The following RGS5 variants were observed in gnomAD, a reference collection of about 807,000 sequenced individuals.
RGS5 encodes the protein regulator of G-protein signalling 5.
RGS5 carries 20 observed loss-of-function variants against 18.9 expected under a neutral mutation model. That is an observed-to-expected ratio of 1.06 (90% confidence interval 0.74 to 1.54). RGS5 has a LOEUF of 1.54. Ranked by LOEUF, RGS5 falls within the 40% of genes most tolerant of loss-of-function variation. The pLI is 0.00. For synonymous variants in RGS5, 57 were observed against 76.2 expected, an observed-to-expected ratio of 0.75 and a Z score of 1.31; for missense variants, 201 against 211.8, an observed-to-expected ratio of 0.95 and a Z score of 0.32.
chr1:163,310,327 CTG>C (rs1649820144), intron 1 of RGS5, among the ~76,000 whole-genome samples: 1 of 152,168 alleles, frequency 6.6e-6, no homozygotes, highest in Non-Finnish European at 1.5e-5. Context: ...TGGCTCACGC[CTG>C]TAATCCCAGC....
At chr1:163,150,103 A>T (rs1243756025) in intron 4 of RGS5, among the ~76,000 whole-genome samples, 2 of 152,156 alleles carry the variant, frequency 1.3e-5, no homozygotes, top group African/African-American at 4.8e-5. Context: ...CCAGCTCAGG[A>T]TCATTATTCT....
At chr1:163,165,074 C>G (rs1179384924) in intron 2 of RGS5, among the ~76,000 whole-genome samples, 1 of 152,154 alleles carries the variant, frequency 6.6e-6, no homozygotes, top group Non-Finnish European at 1.5e-5. Context: ...ACCTGGGCAT[C>G]ACGGTTGGGC....
At chr1:163,320,580 T>C (rs1260591143) in intron 1 of RGS5, among the ~76,000 whole-genome samples, 1 of 152,222 alleles carries the variant, frequency 6.6e-6, no homozygotes, top group African/African-American at 2.4e-5. Context: ...AAATTATGCA[T>C]GTATCAGTAA....
At chr1:163,204,103 T>C (rs1659875288), upstream of RGS5, among the ~76,000 whole-genome samples, 1 of 152,188 alleles carries the variant, frequency 6.6e-6, no homozygotes, top group Non-Finnish European at 1.5e-5. Context: ...TACTGGCTTG[T>C]AAAGTCAATG....
At chr1:163,233,888 G>A (rs1487362436) in intron 2 of RGS5, among the ~76,000 whole-genome samples, 1 of 152,188 alleles carries the variant, frequency 6.6e-6, no homozygotes, top group Non-Finnish European at 1.5e-5. Flanking sequence ...GGGTGGGGCA[G>A]GAACAGATCA....
At chr1:163,257,216 G>A (rs1648297080) in intron 2 of RGS5, among the ~76,000 whole-genome samples, 1 of 152,004 alleles carries the variant, frequency 6.6e-6, no homozygotes, top group Non-Finnish European at 1.5e-5. Flanking sequence ...TACTAGGGGT[G>A]ATTTAAAGCA....
Position 163,247,487 on chromosome 1 carries a change from T to C in RGS5, c.-281+58746A>G, listed in dbSNP as rs578101383. Among the ~76,000 whole-genome samples, 39 of 148,720 alleles carry C rather than the reference T, an allele frequency of 2.6e-4. No homozygotes were observed. In the South Asian group the frequency reaches 7.1e-3, roughly 27 times the overall value. On this transcript the variant is annotated intron_variant, in intron 2 of 5. Transcript: ENST00000618415. ...TATCAGGCAAACAAATCCAGCTAAA[T>C]TGCATTTAACTCTACTAAAAACATT... is the stretch of plus-strand genomic sequence containing the variant.
intron 3 of RGS5, among the ~76,000 whole-genome samples, chr1:163,153,951 C>T (rs1657483974): frequency 6.6e-6 from 1 of 151,974 alleles, no homozygotes; most frequent in African/African-American, 2.4e-5. Context: ...CTCTAATTTT[C>T]CAGAAGCTGT....
intron 2 of RGS5, among the ~76,000 whole-genome samples, chr1:163,286,739 C>T (rs1340571490): frequency 6.6e-6 from 1 of 152,006 alleles, no homozygotes; most frequent in Non-Finnish European, 1.5e-5. Context: ...CAGCTCAATA[C>T]TCATTGTCTT....
intron 1 of RGS5, among the ~76,000 whole-genome samples, chr1:163,189,881 T>C (rs1166690990): frequency 2.0e-5 from 3 of 152,194 alleles, no homozygotes; most frequent in Non-Finnish European, 4.4e-5. Flanking sequence ...GGTAAAGTCC[T>C]CACTTAAGCT....
At chr1:163,269,126 AT>A (rs1403301003) in intron 2 of RGS5, among the ~76,000 whole-genome samples, 1 of 152,154 alleles carries the variant, frequency 6.6e-6, no homozygotes, top group Non-Finnish European at 1.5e-5. Flanking sequence ...TTAGAAAATA[AT>A]TTTTTAAGTT....
intron 2 of RGS5, among the ~76,000 whole-genome samples, chr1:163,272,174 A>G (rs56301217): frequency 0.21 from 32,420 of 151,754 alleles, 3,701 homozygotes; most frequent in African/African-American, 0.3. Flanking sequence ...TATTTTCCCT[A>G]ATGACTAATA....
At chr1:163,205,284 G>A (rs1659920403), upstream of RGS5, among the ~76,000 whole-genome samples, 1 of 135,672 alleles carries the variant, frequency 7.4e-6, no homozygotes, top group African/African-American at 2.8e-5. Flanking sequence ...TAGCTATACT[G>A]TACCGTACAC....
At chr1:163,214,209 G>C (rs113362601) in intron 1 of RGS5, among the ~76,000 whole-genome samples, 5,668 of 152,124 alleles carry the variant, frequency 0.037, 124 homozygotes, top group African/African-American at 0.049. Context: ...AAATGTTCTT[G>C]AAGAAAATCA....
At chr1:163,172,037 T>C (rs555194408) in intron 1 of RGS5, among the ~76,000 whole-genome samples, 14 of 152,254 alleles carry the variant, frequency 9.2e-5, no homozygotes, top group African/African-American at 3.4e-4. Flanking sequence ...AGAATGAGCG[T>C]TCCAGAGGGA....
chr1:163,148,117 G>A (rs981583504), intron 4 of RGS5, among the ~76,000 whole-genome samples: 4 of 151,730 alleles, frequency 2.6e-5, no homozygotes, highest in African/African-American at 9.7e-5. Context: ...GATAGAGACG[G>A]GGTTTTGCCA....
chr1:163,148,029 G>C (rs1657222666), intron 4 of RGS5, among the ~76,000 whole-genome samples: 1 of 148,458 alleles, frequency 6.7e-6, no homozygotes, highest in Non-Finnish European at 1.5e-5. Flanking sequence ...CCGGGTTCAA[G>C]TGATTCTTCT....
chr1:163,242,440 GA>G lies in RGS5; in HGVS notation c.-281+63792del, dbSNP rs1480899642. The stretch of plus-strand genomic sequence containing the variant: ...ATGCTTGAAAGGAGCACAGGTGGAA[GA>G]GAGTTGTGAGATAAGATAGAAGCAT... On this transcript the variant is annotated intron_variant, in intron 2 of 5. Transcript: ENST00000618415. Among the ~76,000 whole-genome samples, 5 of 152,306 alleles carry G rather than the reference GA, an allele frequency of 3.3e-5. No individual in the cohort carries two copies. In the South Asian group the frequency reaches 1.0e-3, roughly 32 times the overall value.
chr1:163,202,475 G>A (rs1659810294), intron 1 of RGS5, among the ~76,000 whole-genome samples: 1 of 152,110 alleles, frequency 6.6e-6, no homozygotes, highest in African/African-American at 2.4e-5. Flanking sequence ...ACAGTTTAAT[G>A]TTGGAATCTA....
Sources: allele counts gnomAD v4.1 joint callset (sites outside exome capture counted in the v4.1 genomes callset), GRCh38; gene constraint gnomAD v4.1.1; transcripts MANE v1.5; gene names NCBI Gene and HGNC (gene_info 2026-07-23, HGNC 2026-07-21).